Variants in TNRC18 observed in about 807,000 individuals in gnomAD.
TNRC18 encodes trinucleotide repeat-containing gene 18 protein.
A neutral mutation model predicts 226.7 loss-of-function variants in TNRC18; 69 were observed. The ratio of observed to expected loss-of-function variants is 0.30; its 90% CI spans 0.25 to 0.37. The LOEUF is 0.37. TNRC18 is among the 10% of genes least tolerant of loss of function. The pLI is 1.00. For missense variants in TNRC18, 4,754 were observed against 4,256.6 expected (o/e 1.12, Z -3.25); for synonymous variants, 2,449 against 1,927.6 (o/e 1.27, Z -7.09).
At chr7:5,396,707 C>A (rs1780714417) in intron 2 of TNRC18, among the ~76,000 whole-genome samples, 1 of 152,082 alleles carries the variant, frequency 6.6e-6, no homozygotes, top group African/African-American at 2.4e-5. Context: ...CCGTGTGTAC[C>A]CTAGAGCTAC....
Position 5,377,312 on chromosome 7 carries a change from ACCCGCCCCCT to A in TNRC18, c.2461+49_2461+58del. Reference sequence around the variant, plus strand: ...AGCCAGCCCTGAGCTCTTGTCCTGCACCCGCCCCCTCCCACCCCTCCCTCAGAGAAGGGGA... The same window carrying A: ...AGCCAGCCCTGAGCTCTTGTCCTGCACCCACCCCTCCCTCAGAGAAGGGGA... On this transcript the variant is annotated intron_variant, in intron 7 of 29. Coordinates refer to ENST00000430969, the MANE Select transcript of TNRC18 (RefSeq NM_001080495.3). This position sits in a 1 kb window ranked among gnomAD's most constrained non-coding sequence, Gnocchi z 5.8. 2 of 1,295,736 alleles carry A rather than the reference ACCCGCCCCCT, an allele frequency of 1.5e-6. No individual in the cohort carries two copies. The highest frequency in any genetic ancestry group is 2.1e-6 in the Non-Finnish European group (2 of 951,906). 80.3% of individuals were successfully genotyped at this position (1,295,736 alleles called of 1,614,324 possible).
chr7:5,332,431 T>C (rs1319392633), intron 19 of TNRC18, among the ~76,000 whole-genome samples, 191 bp downstream of exon 19: 1 of 152,160 alleles, frequency 6.6e-6, no homozygotes, highest in African/African-American at 2.4e-5. Context: ...GAGTTGACTC[T>C]TAAGAAACAA....
chr7:5,366,633 A>G (rs565641981), intron 11 of TNRC18, among the ~76,000 whole-genome samples: 41 of 152,156 alleles, frequency 2.7e-4, no homozygotes, highest in Non-Finnish European at 5.6e-4. Flanking sequence ...CGCTCTTCTT[A>G]TATCTTTAGG....
chr7:5,365,414 CCTAT>C (rs943856281), intron 11 of TNRC18, among the ~76,000 whole-genome samples: 4 of 151,184 alleles, frequency 2.6e-5, no homozygotes, highest in African/African-American at 4.9e-5. Context: ...TGTCCGGCCT[CCTAT>C]CTTTTTGTAA....
chr7:5,312,223 C>T lies in TNRC18; in HGVS notation c.8388+280G>A, dbSNP rs1426611529. 1.3e-5 allele frequency among the ~76,000 whole-genome samples: 2 copies of T among 152,210 alleles called. No individual in the cohort carries two copies. The highest frequency in any genetic ancestry group is 2.9e-5 in the Non-Finnish European group (2 of 68,034). On this transcript the variant is annotated intron_variant, in intron 27 of 29. Transcript: ENST00000430969. This position sits in a 1 kb window ranked among gnomAD's most constrained non-coding sequence, Gnocchi z 6.3. ...CTGTGGGTCTGTGCTGATCTTTGCA[C>T]GTTTCCTTCATCTGGGCTCCACGAG...
rs1787528420 is a variant in TNRC18 at position 5,313,620 on chromosome 7, G to A, written c.7271C>T (p.Pro2424Leu). The change falls in exon 27 of 30, where the codon CCA becomes CTA. Residue 2424 changes from proline to leucine, a missense_variant. Coordinates refer to ENST00000430969, the MANE Select transcript of TNRC18 (RefSeq NM_001080495.3). ...ELPAPATSLA[P>L]APLITMPATR... ...GGCAGGCATGGTGATGAGGGGTGCT[G>A]GGGCCAGGGAGGTGGCAGGAGCTGG... 2 of 1,603,748 alleles carry A rather than the reference G, an allele frequency of 1.2e-6. No homozygotes were observed. Among genetic ancestry groups the A allele is most frequent in the East Asian group, 2.2e-5 (1 of 44,544 alleles).
At position 5,394,688 on chromosome 7, in the gene TNRC18, C is replaced by T. The variant is rs574456967; in HGVS notation, c.188-93G>A. On this transcript the variant is annotated intron_variant, in intron 2 of 29. Coordinates refer to ENST00000430969, the MANE Select transcript of TNRC18 (RefSeq NM_001080495.3). The surrounding 1 kb of genome is among the most constrained non-coding windows in gnomAD (Gnocchi z 4.5). ...CCCCGACCCACCGCCCCGAGACCGC[C>T]GCCTCTCCCCAGCTGTGTGGAGCTG... 28 of 933,812 alleles carry T rather than the reference C, an allele frequency of 3.0e-5. No individual in the cohort carries two copies. The highest frequency in any genetic ancestry group is 1.7e-4 in the South Asian group (11 of 66,338). 57.8% of individuals were successfully genotyped at this position (933,812 alleles called of 1,614,324 possible). A position where few individuals can be genotyped will look rare whatever the true frequency, so the allele number is the denominator to read the frequency against.
At chr7:5,345,517 G>GTCCCCCCCCC in intron 18 of TNRC18, 45 bp downstream of exon 18, 5 of 377,744 alleles carry the variant, frequency 1.3e-5, no homozygotes, top group South Asian at 1.3e-4. Flanking sequence ...AATGGCGTCC[G>GTCCCCCCCCC]CCCCTCCCAC....
Position 5,315,098 on chromosome 7 carries a change from G to T in TNRC18, c.6913C>A (p.Arg2305=), listed in dbSNP as rs759688023. The T allele has an allele frequency of 1.9e-6, 3 of 1,613,002 alleles. No homozygotes were observed. Among genetic ancestry groups the T allele is most frequent in the Non-Finnish European group, 2.5e-6 (3 of 1,179,676 alleles). ...TCCCCAGTGTCTTTGCTGGTCTTCC[G>T]GCTGCGGCGCTTGGCACTTGGCACC... ...LLVPSAKRRS[R]KTSKDTGEGK... is the part of the protein sequence containing the mutation. Residue 2305 remains arginine (R), a synonymous_variant, in exon 26 of 30, where the codon CGG becomes AGG. Transcript: ENST00000430969.
chr7:5,341,746 G>C (rs886197796), intron 18 of TNRC18, among the ~76,000 whole-genome samples: 1 of 113,758 alleles, frequency 8.8e-6, no homozygotes, highest in African/African-American at 3.6e-5. Flanking sequence ...CCTGGCAAAA[G>C]AGCGAGACTC....
At chr7:5,323,313 G>C (rs56178001) in intron 21 of TNRC18, among the ~76,000 whole-genome samples, 100,339 of 150,106 alleles carry the variant, frequency 0.67, 34,385 homozygotes, top group East Asian at 0.85. Context: ...TCCCTGACCC[G>C]GGTCTCAGGG....
intron 4 of TNRC18, 25 bp downstream of exon 4, chr7:5,390,460 C>G: frequency 6.2e-7 from 1 of 1,613,344 alleles, no homozygotes. Flanking sequence ...CCTGTGCCAC[C>G]CCCAACCCCG....
rs1252085336 is a variant in TNRC18, at chr7:5,387,569, A to G, written c.2152+103T>C. On this transcript the variant is annotated intron_variant, in intron 5 of 29. Coordinates refer to ENST00000430969, the MANE Select transcript of TNRC18 (RefSeq NM_001080495.3). The stretch of plus-strand genomic sequence containing the variant: ...ACCATTTTAAAAAATGATACTTATA[A>G]AGACTTAGCAATAGCAAAGGGAAAG... 3 of 1,472,410 alleles carry G rather than the reference A, an allele frequency of 2.0e-6. No homozygotes were observed. The East Asian group carries it at 6.8e-5, about 33-fold the overall frequency. 91.2% of individuals were successfully genotyped at this position (1,472,410 alleles called of 1,614,324 possible). A position where few individuals can be genotyped will look rare whatever the true frequency, so the allele number is the denominator to read the frequency against.
chr7:5,358,338 CTA>C (rs1792672489), intron 15 of TNRC18, among the ~76,000 whole-genome samples: 1 of 152,182 alleles, frequency 6.6e-6, no homozygotes, highest in Non-Finnish European at 1.5e-5. Context: ...CATTTTATCT[CTA>C]TTTTCTTTAA....
At position 5,370,793 on chromosome 7, in the gene TNRC18, CG is replaced by C; in HGVS notation, c.3800del (p.Ala1267GlyfsTer25). ...AKEEPVEVPV[A>X]VPVVEAVPEE... ...CGGGCACTGCCTCCACCACGGGCAC[CG>C]CCACAGGCACCTCCACCGGCTCCTC... is the stretch of plus-strand genomic sequence containing the variant. On this transcript the variant is annotated frameshift_variant, in exon 11 of 30. Coordinates refer to ENST00000430969, the MANE Select transcript of TNRC18 (RefSeq NM_001080495.3). LOFTEE classifies it high-confidence loss of function. 1 of 1,606,008 alleles carries C rather than the reference CG, an allele frequency of 6.2e-7. No homozygotes were observed. Among genetic ancestry groups the C allele is most frequent in the Non-Finnish European group, 8.5e-7 (1 of 1,177,246 alleles).
At position 5,350,762 on chromosome 7, in the gene TNRC18, C is replaced by G. The variant is rs114312082; in HGVS notation, c.5470+1057G>C. Among the ~76,000 whole-genome samples the G allele has an allele frequency of 8.5e-3, 1,296 of 152,318 alleles. 22 individuals are homozygous for G. Among genetic ancestry groups the G allele is most frequent in the African/African-American group, 0.03 (1,236 of 41,560 alleles). On this transcript the variant is annotated intron_variant, in intron 17 of 29. Coordinates refer to ENST00000430969, the MANE Select transcript of TNRC18 (RefSeq NM_001080495.3). ...GCAAGGCCAGCGGGTTCTCAGGGGC[C>G]TGGCAGCTCTCTCTTGAGAACCGAG...
chr7:5,404,399 GAA>G (rs1309955323), intron 2 of TNRC18, among the ~76,000 whole-genome samples: 1 of 152,268 alleles, frequency 6.6e-6, no homozygotes, highest in East Asian at 1.9e-4. Flanking sequence ...CAGGCAATTT[GAA>G]AAAGAGAACC....
At chr7:5,327,359 GTGTGTGTT>G in intron 19 of TNRC18, among the ~76,000 whole-genome samples, 1 of 145,118 alleles carries the variant, frequency 6.9e-6, no homozygotes, top group African/African-American at 2.6e-5. Flanking sequence ...AAATATATAT[GTGTGTGTT>G]TGTGCGTGTG....
At chr7:5,409,220 GAAAGAGA>G (rs1321762391) in intron 2 of TNRC18, among the ~76,000 whole-genome samples, 1 of 151,374 alleles carries the variant, frequency 6.6e-6, no homozygotes, top group African/African-American at 2.4e-5. Context: ...TCTCCAAGGT[GAAAGAGA>G]AAAGAGAAAA....
Sources: allele counts gnomAD v4.1 joint callset (sites outside exome capture counted in the v4.1 genomes callset), GRCh38; gene constraint gnomAD v4.1.1; non-coding constraint Gnocchi (gnomAD v3.1); transcripts MANE v1.5; gene names NCBI Gene and HGNC (gene_info 2026-07-23, HGNC 2026-07-21).